IQGAP2: variants seen among roughly 807,000 people sequenced by gnomAD.
IQGAP2 encodes ras GTPase-activating-like protein IQGAP2.
A neutral mutation model predicts 201.3 loss-of-function variants in IQGAP2; 173 were observed. The observed-to-expected ratio is 0.86, with a 90% CI of 0.76 to 0.98. The LOEUF is 0.98. Ranked by LOEUF, IQGAP2 falls within the 50% of genes least tolerant of loss-of-function variation. The probability of loss-of-function intolerance (pLI) is 0.00; values close to 1 mark genes in which losing one functional copy is unlikely to be tolerated. For synonymous variants in IQGAP2, 675 were observed against 673.9 expected, an observed-to-expected ratio of 1.00 and a Z score of -0.03; for missense variants, 1,687 against 1,864.8, an observed-to-expected ratio of 0.90 and a Z score of 1.76.
intron 1 of IQGAP2, among the ~76,000 whole-genome samples, chr5:76,455,705 A>G (rs1754044305): frequency 6.6e-6 from 1 of 152,132 alleles, no homozygotes; most frequent in East Asian, 1.9e-4. Flanking sequence ...TCCAGGCCCT[A>G]GTGACCTCAC....
intron 28 of IQGAP2, among the ~76,000 whole-genome samples, chr5:76,680,527 A>G (rs542706296): frequency 3.3e-5 from 5 of 152,298 alleles, no homozygotes; most frequent in African/African-American, 1.2e-4. Flanking sequence ...AAAGAGTAAT[A>G]TCAAGAAATT....
intron 1 of IQGAP2, among the ~76,000 whole-genome samples, chr5:76,455,942 T>C (rs1011499903): frequency 6.6e-6 from 1 of 152,186 alleles, no homozygotes; most frequent in Non-Finnish European, 1.5e-5. Flanking sequence ...TTTGGAAGGT[T>C]CTTAGAAATG....
At chr5:76,639,630 T>G (rs1751409102) in intron 16 of IQGAP2, among the ~76,000 whole-genome samples, 1 of 152,202 alleles carries the variant, frequency 6.6e-6, no homozygotes, top group Non-Finnish European at 1.5e-5. Flanking sequence ...CAAGAACACA[T>G]ATCTTATAGA....
intron 2 of IQGAP2, among the ~76,000 whole-genome samples, chr5:76,546,674 C>T (rs1238166352): frequency 6.6e-6 from 1 of 152,188 alleles, no homozygotes; most frequent in Non-Finnish European, 1.5e-5. Flanking sequence ...CTTCTGCTCT[C>T]TGTAGTCAGG....
intron 1 of IQGAP2, among the ~76,000 whole-genome samples, chr5:76,413,708 C>T (rs1751261109): frequency 6.6e-6 from 1 of 152,210 alleles, no homozygotes; most frequent in Admixed American, 6.5e-5. Flanking sequence ...CAAGCATTCT[C>T]TTATTTCATT....
intron 2 of IQGAP2, among the ~76,000 whole-genome samples, chr5:76,548,194 G>T (rs1743210934): frequency 6.6e-6 from 1 of 152,198 alleles, no homozygotes; most frequent in African/African-American, 2.4e-5. Context: ...GGCCCAGAGA[G>T]ATTGTTGTAC....
At chr5:76,532,482 TG>T (rs897349215) in intron 2 of IQGAP2, among the ~76,000 whole-genome samples, 6 of 6,132 alleles carry the variant, frequency 9.8e-4, no homozygotes, top group African/African-American at 3.6e-3. Context: ...GAGGATTGGG[TG>T]GGTGGGGGGG....
intron 5 of IQGAP2, among the ~76,000 whole-genome samples, chr5:76,587,536 T>C (rs556086130): frequency 1.3e-5 from 2 of 152,318 alleles, no homozygotes; most frequent in African/African-American, 2.4e-5. Context: ...AAAGAACATA[T>C]ATACCAAAAT....
At chr5:76,440,936 CAGG>C (rs1443026381) in intron 1 of IQGAP2, among the ~76,000 whole-genome samples, 2 of 151,496 alleles carry the variant, frequency 1.3e-5, no homozygotes, top group South Asian at 2.1e-4. Flanking sequence ...GAGGTTGAGG[CAGG>C]AGAATTGCTT....
At chr5:76,518,412 C>G (rs1262695945) in intron 2 of IQGAP2, among the ~76,000 whole-genome samples, 1 of 152,132 alleles carries the variant, frequency 6.6e-6, no homozygotes, top group South Asian at 2.1e-4. Flanking sequence ...CTTTTTAAAA[C>G]CATCAGATCT....
chr5:76,446,237 T>C (rs1753385533), intron 1 of IQGAP2, among the ~76,000 whole-genome samples: 1 of 152,186 alleles, frequency 6.6e-6, no homozygotes, highest in African/African-American at 2.4e-5. Context: ...GGTAATATTA[T>C]GTCTAAGTTT....
intron 13 of IQGAP2, chr5:76,617,380 T>A: frequency 1.9e-6 from 1 of 518,364 alleles, no homozygotes; most frequent in Non-Finnish European, 3.4e-6. Flanking sequence ...GCCAAGATAG[T>A]GCCACTGCAC....
chr5:76,695,365 C>T (rs1746627730), intron 31 of IQGAP2, 89 bp from the exon 32 acceptor site: 2 of 1,121,022 alleles, frequency 1.8e-6, no homozygotes, highest in Non-Finnish European at 2.6e-6. Context: ...GGACTACTTT[C>T]ATTTTGACAT....
chr5:76,635,011 G>A (rs2455228), intron 15 of IQGAP2, among the ~76,000 whole-genome samples: 86,857 of 152,042 alleles, frequency 0.57, 24,893 homozygotes, highest in South Asian at 0.62. Context: ...TGTGAAAAAT[G>A]TAGGAATTCT....
intron 33 of IQGAP2, among the ~76,000 whole-genome samples, chr5:76,700,729 C>T (rs1038316099): frequency 6.6e-6 from 1 of 152,178 alleles, no homozygotes; most frequent in Non-Finnish European, 1.5e-5. Context: ...ATATCGTTAT[C>T]TAGGAATACA....
chr5:76,703,665 AAAAG>A (rs1747624998), intron 35 of IQGAP2, among the ~76,000 whole-genome samples: 1 of 151,702 alleles, frequency 6.6e-6, no homozygotes, highest in African/African-American at 2.4e-5. Context: ...AAAAAAAAAA[AAAAG>A]AGAGCACTGC....
At position 76,604,015 on chromosome 5, in the gene IQGAP2, C is replaced by T. The variant is rs530931001; in HGVS notation, c.1233-2164C>T. Among the ~76,000 whole-genome samples the T allele has an allele frequency of 2.6e-4, 39 of 152,194 alleles. 1 individual carries two copies. The South Asian group carries it at 8.1e-3, about 32-fold the overall frequency. Reference sequence around the variant, plus strand: ...TTATTATACTTTAAGTTCTGGGATACATGTGCAGAACATGCAGGTTTGTTA... The same window carrying T: ...TTATTATACTTTAAGTTCTGGGATATATGTGCAGAACATGCAGGTTTGTTA... On this transcript the variant is annotated intron_variant, in intron 11 of 35. Coordinates refer to ENST00000274364, the MANE Select transcript of IQGAP2 (RefSeq NM_006633.5).
intron 11 of IQGAP2, among the ~76,000 whole-genome samples, chr5:76,604,637 G>A (rs764020014): frequency 7.9e-5 from 12 of 152,166 alleles, no homozygotes; most frequent in South Asian, 4.2e-4. Flanking sequence ...GCATTTAGAC[G>A]TTAAGTGTAT....
chr5:76,471,827 A>G (rs1271960647), intron 2 of IQGAP2, among the ~76,000 whole-genome samples: 1 of 152,244 alleles, frequency 6.6e-6, no homozygotes, highest in Non-Finnish European at 1.5e-5. Flanking sequence ...AAGCAATGCT[A>G]ATAAGAACTT....
Sources: allele counts gnomAD v4.1 joint callset (sites outside exome capture counted in the v4.1 genomes callset), GRCh38; gene constraint gnomAD v4.1.1; transcripts MANE v1.5; gene names NCBI Gene and HGNC (gene_info 2026-07-23, HGNC 2026-07-21).